The following FILIP1L variants were observed in gnomAD, a reference collection of about 807,000 sequenced individuals.
The protein encoded by FILIP1L is filamin A-interacting protein 1-like.
FILIP1L carries 55 observed loss-of-function variants against 96.6 expected under a neutral mutation model. The ratio of observed to expected loss-of-function variants is 0.57; its 90% CI spans 0.46 to 0.71. The LOEUF (loss-of-function observed/expected upper bound fraction) is 0.71. Among genes scored for constraint, FILIP1L ranks in the 30% least tolerant of loss-of-function variants. FILIP1L has a pLI of 0.00. For missense variants in FILIP1L, 1,304 were observed against 1,321.2 expected (o/e 0.99, Z 0.20); for synonymous variants, 467 against 473.9 (o/e 0.99, Z 0.19).
rs1037462013 is a variant in FILIP1L at position 99,849,940 on chromosome 3, T to C, written c.1736A>G (p.Asn579Ser). 4 of 1,613,006 alleles carry C rather than the reference T, an allele frequency of 2.5e-6. No homozygotes were observed. In the Admixed American group the frequency reaches 5.0e-5, roughly 20 times the overall value. ...NKLKAEEEKG[N>S]DLLSRVNMLK... ...CATATTAACTCTTGACAGGAGATCA[T>C]TTCCTTTCTCTTCTTCCGCTTTCAA... Residue 579 changes from asparagine (N) to serine (S), a missense_variant, in exon 5 of 6, where the codon AAT becomes AGT. Coordinates refer to ENST00000477258, the MANE Select transcript of FILIP1L (RefSeq NM_001387850.1).
At chr3:99,934,804 TA>T (rs1006142455) in intron 1 of FILIP1L, among the ~76,000 whole-genome samples, 3 of 152,128 alleles carry the variant, frequency 2.0e-5, no homozygotes, top group Non-Finnish European at 4.4e-5. Context: ...TCATAAGTGG[TA>T]AAAAAAGGAA....
At chr3:99,887,207 C>T (rs917822238) in intron 4 of FILIP1L, among the ~76,000 whole-genome samples, 3 of 151,274 alleles carry the variant, frequency 2.0e-5, no homozygotes, top group African/African-American at 4.9e-5. Context: ...GAGGAGGTCG[C>T]GGTTAGCCGA....
chr3:99,986,723 C>G (rs1270076995), intron 1 of FILIP1L, among the ~76,000 whole-genome samples: 1 of 151,762 alleles, frequency 6.6e-6, no homozygotes, highest in African/African-American at 2.4e-5. Context: ...GTCTAGTGGC[C>G]CTAAGCGGGG....
chr3:99,961,489 A>C (rs551943817), intron 1 of FILIP1L, among the ~76,000 whole-genome samples: 1 of 152,152 alleles, frequency 6.6e-6, no homozygotes. Flanking sequence ...GCAAGGAGAC[A>C]GGCATTATGT....
intron 1 of FILIP1L, among the ~76,000 whole-genome samples, chr3:99,941,000 A>G (rs1047291435): frequency 2.0e-5 from 3 of 152,242 alleles, no homozygotes; most frequent in African/African-American, 7.2e-5. Flanking sequence ...CCCCTTTCCC[A>G]GCATCTCAGG....
At chr3:100,071,968 T>C (rs1426132578) in intron 1 of FILIP1L, among the ~76,000 whole-genome samples, 1 of 152,132 alleles carries the variant, frequency 6.6e-6, no homozygotes, top group African/African-American at 2.4e-5. Flanking sequence ...GAAACTGAAA[T>C]ATAGGGAACT....
chr3:100,053,875 C>G (rs889434551), intron 1 of FILIP1L, among the ~76,000 whole-genome samples: 16 of 152,296 alleles, frequency 1.1e-4, no homozygotes, highest in Non-Finnish European at 1.9e-4. Flanking sequence ...ATTTTGTTCT[C>G]CATTATTCAT....
chr3:100,087,216 G>C (rs541643612), intron 1 of FILIP1L, among the ~76,000 whole-genome samples: 1 of 152,232 alleles, frequency 6.6e-6, no homozygotes, highest in Non-Finnish European at 1.5e-5. Context: ...TTCTCTAGGA[G>C]TGGAATTACT....
chr3:99,954,253 CA>C (rs1039828351), intron 1 of FILIP1L, among the ~76,000 whole-genome samples: 10 of 152,184 alleles, frequency 6.6e-5, no homozygotes, highest in African/African-American at 2.4e-4. Context: ...GCTTTGAGCC[CA>C]GGTCATCTAA....
At chr3:99,892,976 A>G (rs980341030) in intron 4 of FILIP1L, among the ~76,000 whole-genome samples, 2 of 152,178 alleles carry the variant, frequency 1.3e-5, no homozygotes, top group East Asian at 3.8e-4. Context: ...CCCCCAAAAC[A>G]GAGCTGAATT....
intron 1 of FILIP1L, among the ~76,000 whole-genome samples, chr3:99,998,648 C>T (rs1178347846): frequency 1.3e-5 from 2 of 152,046 alleles, no homozygotes; most frequent in Non-Finnish European, 2.9e-5. Flanking sequence ...CTGCAAGCTC[C>T]GCCTCCCGGG....
At chr3:99,950,871 A>G (rs924098819) in intron 1 of FILIP1L, among the ~76,000 whole-genome samples, 5 of 152,142 alleles carry the variant, frequency 3.3e-5, no homozygotes, top group South Asian at 2.1e-4. Context: ...GAGAGAGAGA[A>G]AGAAAGAGAG....
chr3:100,028,415 G>C (rs558174680), intron 1 of FILIP1L, among the ~76,000 whole-genome samples: 1 of 152,230 alleles, frequency 6.6e-6, no homozygotes, highest in Admixed American at 6.5e-5. Flanking sequence ...GGCAACAGCT[G>C]GTGGTTGTTT....
chr3:99,956,520 T>TGATG (rs1708323930), intron 1 of FILIP1L, among the ~76,000 whole-genome samples: 2 of 152,204 alleles, frequency 1.3e-5, no homozygotes, highest in South Asian at 4.1e-4. Flanking sequence ...ACTCGGCTAA[T>TGATG]GATGAGATTA....
rs889016596 is a variant in FILIP1L at position 99,958,523 on chromosome 3, C to T, written c.-10-27493G>A. On this transcript the variant is annotated intron_variant, in intron 1 of 5. Transcript: ENST00000477258. ...ATTTGAGAGCCAACAAGAATTATAA[C>T]ATGTATGTGCCACAGAAGGGTAGGA... 5.3e-5 allele frequency among the ~76,000 whole-genome samples: 8 copies of T among 152,230 alleles called. 1 individual carries two copies. Among genetic ancestry groups the T allele is most frequent in the Non-Finnish European group, 7.4e-5 (5 of 68,010 alleles).
rs182955302 is a variant in FILIP1L, at chr3:99,859,549, A to C, written c.606-8479T>G. On this transcript the variant is annotated intron_variant, in intron 4 of 5. Coordinates refer to ENST00000477258, the MANE Select transcript of FILIP1L (RefSeq NM_001387850.1). ...GATTACTAAGCAGAAAACTGCATAC[A>C]TCACACTCCTTTATTTATTTTTATA... Among the ~76,000 whole-genome samples, 42 of 152,352 alleles carry C rather than the reference A, an allele frequency of 2.8e-4. No individual in the cohort carries two copies. The East Asian group carries it at 5.6e-3, about 20-fold the overall frequency.
intron 5 of FILIP1L, chr3:99,833,205 A>C: frequency 6.2e-7 from 1 of 1,601,196 alleles, no homozygotes. Context: ...TGGGATTTGG[A>C]ATGCCTTAAA....
At chr3:99,977,839 C>A (rs1709015392) in intron 1 of FILIP1L, among the ~76,000 whole-genome samples, 1 of 151,930 alleles carries the variant, frequency 6.6e-6, no homozygotes, top group Admixed American at 6.6e-5. Context: ...AAGTATGGAT[C>A]CAATAAGAGA....
At chr3:99,830,765 C>T (rs1201200345) in intron 5 of FILIP1L, among the ~76,000 whole-genome samples, 160 bp from the exon 6 acceptor site, 2 of 152,156 alleles carry the variant, frequency 1.3e-5, no homozygotes, top group African/African-American at 2.4e-5. Flanking sequence ...AAAAGAATGT[C>T]AGTAAAGTAA....
Sources: gnomAD v4.1 joint callset for allele counts (sites outside exome capture counted in the v4.1 genomes callset) on GRCh38, gnomAD v4.1.1 for gene constraint, MANE v1.5 for transcripts, NCBI Gene and HGNC (gene_info 2026-07-23, HGNC 2026-07-21) for gene names.